The following SDCCAG8 variants were observed in gnomAD, a reference collection of about 807,000 sequenced individuals.
SDCCAG8 encodes serologically defined colon cancer antigen 8.
Under a neutral mutation model 101.8 loss-of-function variants are expected in SDCCAG8, and 74 were observed. The observed-to-expected ratio is 0.73, with a 90% CI of 0.60 to 0.88. The LOEUF is 0.88. Among genes scored for constraint, SDCCAG8 ranks in the 40% least tolerant of loss-of-function variants. The probability of loss-of-function intolerance (pLI) is 0.00; values close to 1 mark genes in which losing one functional copy is unlikely to be tolerated. For synonymous variants in SDCCAG8, 281 were observed against 292.9 expected, an observed-to-expected ratio of 0.96 and a Z score of 0.41; for missense variants, 787 against 822.6, an observed-to-expected ratio of 0.96 and a Z score of 0.53.
At position 243,330,547 on chromosome 1, in the gene SDCCAG8, T is replaced by C; in HGVS notation, c.1076T>C (p.Ile359Thr). The C allele has an allele frequency of 6.2e-7, 1 of 1,614,082 alleles. No homozygotes were observed. The highest frequency in any genetic ancestry group is 1.1e-5 in the South Asian group (1 of 91,078). The part of the protein sequence containing the change: ...EANFEKTKAL[I>T]QCDQLRKELE... ...TCTGTTCTATCCTGGCAGGCTTTAA[T>C]CCAGTGTGACCAGTTGAGGAAGGAG... Residue 359 changes from isoleucine to threonine, a missense_variant, in exon 10 of 18, where the codon ATC (isoleucine) becomes ACC (threonine). Transcript: ENST00000366541.
At chr1:243,450,034 C>G (rs2083236037) in intron 16 of SDCCAG8, among the ~76,000 whole-genome samples, 1 of 152,180 alleles carries the variant, frequency 6.6e-6, no homozygotes, top group Non-Finnish European at 1.5e-5. Context: ...CATGAGCTTT[C>G]TCTAGAGGCC....
intron 16 of SDCCAG8, among the ~76,000 whole-genome samples, chr1:243,472,836 C>T (rs559096712): frequency 7.9e-5 from 12 of 152,316 alleles, no homozygotes; most frequent in African/African-American, 2.2e-4. Context: ...CTTTTACTAT[C>T]TTAAACAAGG....
intron 15 of SDCCAG8, among the ~76,000 whole-genome samples, chr1:243,425,088 A>G (rs2081253188): frequency 1.3e-5 from 2 of 152,152 alleles, no homozygotes; most frequent in African/African-American, 4.8e-5. Flanking sequence ...GACTATTTCA[A>G]ATATGGGTAG....
intron 13 of SDCCAG8, 139 bp downstream of exon 13, chr1:243,379,002 A>T: frequency 9.1e-7 from 1 of 1,096,310 alleles, no homozygotes; most frequent in African/African-American, 1.5e-5. Flanking sequence ...AAAAGTGGAG[A>T]TGTGGTAAGC....
intron 13 of SDCCAG8, among the ~76,000 whole-genome samples, chr1:243,391,114 T>C (rs533584254): frequency 1.5e-3 from 235 of 152,352 alleles, no homozygotes; most frequent in Non-Finnish European, 2.6e-3. Flanking sequence ...ATTTAGTTTC[T>C]TCTTAAACAC....
chr1:243,410,896 T>C (rs1055150624), intron 13 of SDCCAG8, among the ~76,000 whole-genome samples: 1 of 152,174 alleles, frequency 6.6e-6, no homozygotes, highest in Non-Finnish European at 1.5e-5. Context: ...ACCAGAACTA[T>C]AATTGGTAAA....
intron 16 of SDCCAG8, among the ~76,000 whole-genome samples, chr1:243,484,054 G>T (rs1345641721): frequency 6.6e-6 from 1 of 152,174 alleles, no homozygotes; most frequent in African/African-American, 2.4e-5. Flanking sequence ...GCCCCAAGTT[G>T]CATAGCTGCC....
intron 15 of SDCCAG8, among the ~76,000 whole-genome samples, chr1:243,420,839 A>C (rs894578216): frequency 1.3e-5 from 2 of 152,128 alleles, no homozygotes; most frequent in Non-Finnish European, 2.9e-5. Flanking sequence ...TAAGTTTTAC[A>C]TTCCATTTTG....
intron 16 of SDCCAG8, among the ~76,000 whole-genome samples, chr1:243,433,662 A>T (rs985599129): frequency 6.6e-6 from 1 of 152,130 alleles, no homozygotes; most frequent in South Asian, 2.1e-4. Flanking sequence ...TCTGTTATTG[A>T]GATTTGGAGT....
chr1:243,433,862 T>A (rs2081962593), intron 16 of SDCCAG8, among the ~76,000 whole-genome samples: 1 of 152,212 alleles, frequency 6.6e-6, no homozygotes, highest in Admixed American at 6.5e-5. Flanking sequence ...TTAAAAGTAC[T>A]AAAATTTGGT....
chr1:243,275,108 A>G (rs909744576), intron 4 of SDCCAG8, among the ~76,000 whole-genome samples: 1 of 152,200 alleles, frequency 6.6e-6, no homozygotes, highest in African/African-American at 2.4e-5. Context: ...TTGAATGAGA[A>G]TGGTTCATAG....
At chr1:243,439,157 T>A (rs1041053622) in intron 16 of SDCCAG8, among the ~76,000 whole-genome samples, 3 of 152,160 alleles carry the variant, frequency 2.0e-5, no homozygotes, top group Non-Finnish European at 4.4e-5. Context: ...ATTTTTATTT[T>A]ATTTTTTATT....
chr1:243,415,643 T>C (rs2080522984), intron 13 of SDCCAG8, 59 bp from the exon 14 acceptor site: 11 of 1,611,764 alleles, frequency 6.8e-6, no homozygotes, highest in Admixed American at 1.7e-5. Context: ...ATAGGGGACA[T>C]GATGGGGGTT....
intron 6 of SDCCAG8, among the ~76,000 whole-genome samples, chr1:243,297,174 T>C (rs1266362749): frequency 1.3e-5 from 2 of 152,228 alleles, no homozygotes; most frequent in African/African-American, 2.4e-5. Context: ...TTCAATGTTA[T>C]ATAAGTGGAA....
chr1:243,304,031 C>T (rs1480921536), intron 6 of SDCCAG8, among the ~76,000 whole-genome samples: 1 of 152,024 alleles, frequency 6.6e-6, no homozygotes, highest in Non-Finnish European at 1.5e-5. Flanking sequence ...TGAGATTGCG[C>T]CACTGCACTC....
At chr1:243,444,161 C>A (rs779612870) in intron 16 of SDCCAG8, among the ~76,000 whole-genome samples, 5 of 152,072 alleles carry the variant, frequency 3.3e-5, no homozygotes, top group Admixed American at 6.6e-5. Context: ...GAAGGTAATT[C>A]AGACACCATT....
At chr1:243,446,808 T>C (rs1162380588) in intron 16 of SDCCAG8, among the ~76,000 whole-genome samples, 1 of 152,066 alleles carries the variant, frequency 6.6e-6, no homozygotes, top group Non-Finnish European at 1.5e-5. Context: ...TGCTGCCCAG[T>C]TGGGGCTGCT....
At chr1:243,477,686 T>C (rs2148213989) in intron 16 of SDCCAG8, among the ~76,000 whole-genome samples, 1 of 152,368 alleles carries the variant, frequency 6.6e-6, no homozygotes, top group East Asian at 1.9e-4. Context: ...TTTAGGTTCC[T>C]GTCAGAGGCA....
chr1:243,273,366 T>TA (rs567283773), intron 3 of SDCCAG8, among the ~76,000 whole-genome samples: 3 of 150,418 alleles, frequency 2.0e-5, no homozygotes, highest in African/African-American at 4.9e-5. Flanking sequence ...CCTCATCCTT[T>TA]AAAAAAAAAA....
Sources: allele counts gnomAD v4.1 joint callset (sites outside exome capture counted in the v4.1 genomes callset), GRCh38; gene constraint gnomAD v4.1.1; transcripts MANE v1.5; gene names NCBI Gene and HGNC (gene_info 2026-07-23, HGNC 2026-07-21).